Variants in SGCD observed in about 807,000 individuals in gnomAD.
SGCD encodes delta-sarcoglycan.
Under a neutral mutation model 36.6 loss-of-function variants are expected in SGCD, and 18 were observed. That is an observed-to-expected ratio of 0.49 (90% confidence interval 0.34 to 0.73). SGCD has a LOEUF of 0.73. Ranked by LOEUF, SGCD falls within the 30% of genes least tolerant of loss-of-function variation. The pLI is 0.01. For missense variants in SGCD, 387 were observed against 346.7 expected, an observed-to-expected ratio of 1.12 and a Z score of -0.92; for synonymous variants, 133 against 130.6, an observed-to-expected ratio of 1.02 and a Z score of -0.12.
intron 7 of SGCD, among the ~76,000 whole-genome samples, chr5:156,744,868 A>G (rs1291160093): frequency 1.3e-5 from 2 of 152,166 alleles, no homozygotes; most frequent in African/African-American, 4.8e-5. Flanking sequence ...TAATCTTTTG[A>G]AAAATTGGAA....
intron 3 of SGCD, among the ~76,000 whole-genome samples, chr5:156,480,745 G>A: frequency 6.6e-6 from 1 of 152,168 alleles, no homozygotes; most frequent in East Asian, 1.9e-4. Context: ...CTTTGCAATT[G>A]CCACTACTGA....
At chr5:156,172,819 A>G (rs1467285077) in intron 3 of SGCD, among the ~76,000 whole-genome samples, 1 of 151,576 alleles carries the variant, frequency 6.6e-6, no homozygotes, top group Non-Finnish European at 1.5e-5. Context: ...TAAATTTTAA[A>G]TGGGAATCTT....
At chr5:156,689,801 A>T (rs1010437139) in intron 7 of SGCD, among the ~76,000 whole-genome samples, 1 of 152,182 alleles carries the variant, frequency 6.6e-6, no homozygotes, top group African/African-American at 2.4e-5. Context: ...GAGAGAATTC[A>T]AATCAGTTCT....
At chr5:156,131,918 C>T (rs1762333365) in intron 3 of SGCD, among the ~76,000 whole-genome samples, 1 of 152,204 alleles carries the variant, frequency 6.6e-6, no homozygotes, top group South Asian at 2.1e-4. Flanking sequence ...TTCTTCATGA[C>T]TTCAGCATCA....
Position 156,229,297 on chromosome 5 carries a change from T to TATACACATATATATATATATAA in SGCD, c.-43-100234_-43-100233insCACATATATATATATATAAATA, listed in dbSNP as rs1554085621. Among the ~76,000 whole-genome samples, 110 of 119,864 alleles carry TATACACATATATATATATATAA rather than the reference T, an allele frequency of 9.2e-4. 5 individuals carry two copies. The highest frequency in any genetic ancestry group is 3.3e-3 in the African/African-American group (104 of 31,262). 78.6% of individuals were successfully genotyped at this position (119,864 alleles called of 152,430 possible). On this transcript the variant is annotated intron_variant, in intron 3 of 9. Transcript: ENST00000517913. ...ACATACATATATATATATATATATA[T>TATACACATATATATATATATAA]ATAAAATTAGTTCTTCCATTGGTTC...
intron 3 of SGCD, among the ~76,000 whole-genome samples, chr5:156,140,110 G>T (rs567395877): frequency 6.6e-6 from 1 of 152,252 alleles, no homozygotes; most frequent in Non-Finnish European, 1.5e-5. Context: ...ATAAATTTCT[G>T]TTTATAAATT....
intron 3 of SGCD, among the ~76,000 whole-genome samples, chr5:156,437,592 G>GCAAA (rs1297655829): frequency 1.3e-5 from 2 of 152,148 alleles, no homozygotes; most frequent in African/African-American, 4.8e-5. Flanking sequence ...ATTGAACAAT[G>GCAAA]CAAACAGTAT....
At chr5:155,990,844 A>G (rs531883288) in intron 1 of SGCD, among the ~76,000 whole-genome samples, 1 of 152,260 alleles carries the variant, frequency 6.6e-6, no homozygotes, top group South Asian at 2.1e-4. Context: ...CTGAAGGTAA[A>G]TTGGTGGAGC....
chr5:155,783,987 G>A, the SGCD span, among the ~76,000 whole-genome samples: 1 of 152,186 alleles, frequency 6.6e-6, no homozygotes, highest in Non-Finnish European at 1.5e-5. Flanking sequence ...CCATTACATA[G>A]CTTAGATCTT....
intron 3 of SGCD, among the ~76,000 whole-genome samples, chr5:156,132,245 G>A (rs1263786484): frequency 2.0e-5 from 3 of 152,124 alleles, no homozygotes; most frequent in Middle Eastern, 6.8e-3. Context: ...GTGTTTGTGT[G>A]TGTGTGTGTG....
intron 3 of SGCD, among the ~76,000 whole-genome samples, chr5:156,441,046 A>G (rs867386321): frequency 1.3e-5 from 2 of 152,140 alleles, no homozygotes; most frequent in Middle Eastern, 3.2e-3. Context: ...TGGGACTCTT[A>G]CAGCTATTAG....
chr5:156,493,869 A>G (rs1756053676), intron 3 of SGCD, among the ~76,000 whole-genome samples: 1 of 152,030 alleles, frequency 6.6e-6, no homozygotes, highest in Non-Finnish European at 1.5e-5. Flanking sequence ...AATGTCTAAG[A>G]CAAATTTCTG....
intron 3 of SGCD, among the ~76,000 whole-genome samples, chr5:156,397,109 A>G (rs751930497): frequency 1.3e-5 from 2 of 152,206 alleles, no homozygotes; most frequent in Admixed American, 6.5e-5. Context: ...CATTAACCTG[A>G]GCAGGCTGGC....
the SGCD span, among the ~76,000 whole-genome samples, chr5:155,770,110 G>C: frequency 6.6e-6 from 1 of 151,894 alleles, no homozygotes; most frequent in Admixed American, 6.6e-5. Context: ...ACCTGGTATC[G>C]TGCTGGGTGC....
intron 1 of SGCD, among the ~76,000 whole-genome samples, chr5:156,091,074 G>A (rs1367219929): frequency 1.3e-5 from 2 of 152,178 alleles, no homozygotes; most frequent in Non-Finnish European, 2.9e-5. Flanking sequence ...GGGTCCTGAG[G>A]TGACATACAT....
intron 3 of SGCD, among the ~76,000 whole-genome samples, chr5:156,492,258 A>G (rs1165486554): frequency 6.6e-6 from 1 of 152,164 alleles, no homozygotes; most frequent in East Asian, 1.9e-4. Context: ...GGAGTTCTCC[A>G]GAGTTACATC....
At position 156,761,855 on chromosome 5, in the gene SGCD, A is replaced by G. The variant is rs1300856973; in HGVS notation, c.*2465A>G. On this transcript the variant is annotated 3_prime_UTR_variant, in exon 9 of 9. Coordinates refer to ENST00000337851, the MANE Select transcript of SGCD (RefSeq NM_000337.6). ...AGATCACAAACAGAATAAAAATAAG[A>G]GCAATCAACCATATAAATCAAGTAC... is the stretch of plus-strand genomic sequence containing the variant. 1 of 152,238 alleles carries G rather than the reference A, an allele frequency of 6.6e-6. No individual in the cohort carries two copies. Among genetic ancestry groups the G allele is most frequent in the African/African-American group, 2.4e-5 (1 of 41,458 alleles). The allele number at this position is 152,238 out of a possible 1,614,324, so 9.4% of individuals were successfully genotyped here. A position where few individuals can be genotyped will look rare whatever the true frequency, so the allele number is the denominator to read the frequency against.
At chr5:155,812,001 AAC>A in the SGCD span, among the ~76,000 whole-genome samples, 1 of 152,198 alleles carries the variant, frequency 6.6e-6, no homozygotes, top group African/African-American at 2.4e-5. Flanking sequence ...TTAAAACGGA[AAC>A]ACAGTCTTTC....
intron 3 of SGCD, among the ~76,000 whole-genome samples, chr5:156,399,969 A>G (rs1772057504): frequency 6.6e-6 from 1 of 152,140 alleles, no homozygotes; most frequent in Admixed American, 6.5e-5. Flanking sequence ...TGTGTACCTC[A>G]TGAAAGTTAA....
Sources: gnomAD v4.1 joint callset for allele counts (sites outside exome capture counted in the v4.1 genomes callset) on GRCh38, gnomAD v4.1.1 for gene constraint, MANE v1.5 for transcripts, NCBI Gene and HGNC (gene_info 2026-07-23, HGNC 2026-07-21) for gene names.